Variants in SULT6B1 observed in about 807,000 individuals in gnomAD.
SULT6B1 encodes sulfotransferase 6B1.
SULT6B1 carries 44 observed loss-of-function variants against 37.2 expected under a neutral mutation model. That is an observed-to-expected ratio of 1.18 (90% CI 0.93 to 1.52). The LOEUF (loss-of-function observed/expected upper bound fraction) is 1.52. Ranked by LOEUF, SULT6B1 falls within the 40% of genes most tolerant of loss-of-function variation. The pLI, the probability that SULT6B1 is intolerant of heterozygous loss-of-function variation, is 0.00. For missense variants in SULT6B1, 450 were observed against 361.0 expected, an observed-to-expected ratio of 1.25 and a Z score of -2.00; for synonymous variants, 140 against 126.0, an observed-to-expected ratio of 1.11 and a Z score of -0.74.
chr2:37,176,506 C>T (rs189010147), intron 4 of SULT6B1, among the ~76,000 whole-genome samples: 11 of 152,112 alleles, frequency 7.2e-5, no homozygotes, highest in Admixed American at 5.9e-4. Flanking sequence ...GTGATCCGCC[C>T]GCCTCGGCCA....
At chr2:37,195,460 G>A (rs1043795246) in intron 1 of SULT6B1, among the ~76,000 whole-genome samples, 6 of 152,184 alleles carry the variant, frequency 3.9e-5, no homozygotes, top group African/African-American at 1.4e-4. Context: ...GAAAATTGGG[G>A]CAATCACAGA....
chr2:37,187,749 T>A (rs1676705241), intron 1 of SULT6B1, among the ~76,000 whole-genome samples: 1 of 152,314 alleles, frequency 6.6e-6, no homozygotes, highest in African/African-American at 2.4e-5. Flanking sequence ...TATAGGACAA[T>A]GTTATGTTAT....
At position 37,183,318 on chromosome 2, in the gene SULT6B1, T is replaced by G; in HGVS notation, c.402+107A>C. ...AAACAAAAAAACTAAATGTCACAGT[T>G]CATTTATTAAGCTTCTATGAGAAGG... On this transcript the variant is annotated intron_variant, in intron 3 of 6. Coordinates refer to ENST00000535679, the MANE Select transcript of SULT6B1 (RefSeq NM_001367551.1). The G allele has an allele frequency of 3.5e-6, 3 of 857,212 alleles. No individual in the cohort carries two copies. In the South Asian group the frequency reaches 5.6e-5, roughly 16 times the overall value. The allele number at this position is 857,212 out of a possible 1,614,324, so 53.1% of individuals were successfully genotyped here. A position where few individuals can be genotyped will look rare whatever the true frequency, so the allele number is the denominator to read the frequency against.
intron 3 of SULT6B1, among the ~76,000 whole-genome samples, chr2:37,181,738 C>A (rs1479841751): frequency 6.6e-6 from 1 of 152,118 alleles, no homozygotes. Context: ...TGTTCAAAAG[C>A]CTGCGTGCCC....
At chr2:37,173,821 T>C (rs949034773) in intron 5 of SULT6B1, among the ~76,000 whole-genome samples, 1 of 152,224 alleles carries the variant, frequency 6.6e-6, no homozygotes, top group African/African-American at 2.4e-5. Context: ...GCCTGGACTA[T>C]TGCAGTGCCC....
chr2:37,171,700 T>C, intron 5 of SULT6B1, 110 bp from the exon 6 acceptor site: 3 of 932,072 alleles, frequency 3.2e-6, no homozygotes, highest in Non-Finnish European at 4.8e-6. Context: ...CTAGTTCATC[T>C]CATCCCCCAC....
At chr2:37,182,166 T>C (rs770130825) in intron 3 of SULT6B1, among the ~76,000 whole-genome samples, 2 of 152,170 alleles carry the variant, frequency 1.3e-5, no homozygotes, top group Non-Finnish European at 2.9e-5. Flanking sequence ...GAAATTGTAG[T>C]CATCTTAACA....
chr2:37,168,166 G>C (rs1279659166), intron 6 of SULT6B1, 101 bp from the exon 7 acceptor site: 8 of 1,202,960 alleles, frequency 6.7e-6, no homozygotes, highest in Non-Finnish European at 9.0e-6. Context: ...TGTTAAAATG[G>C]ACACATGGAA....
At chr2:37,172,967 C>G (rs886836987) in intron 5 of SULT6B1, among the ~76,000 whole-genome samples, 1 of 152,120 alleles carries the variant, frequency 6.6e-6, no homozygotes, top group Non-Finnish European at 1.5e-5. Context: ...AGTCTCCTGC[C>G]TCAGCCTCCT....
At chr2:37,170,091 T>A (rs547268351) in intron 6 of SULT6B1, among the ~76,000 whole-genome samples, 4 of 152,322 alleles carry the variant, frequency 2.6e-5, no homozygotes, top group African/African-American at 9.6e-5. Flanking sequence ...AAAACCCTGA[T>A]TTTAATTGTG....
At chr2:37,179,987 T>C (rs1416488671) in intron 3 of SULT6B1, among the ~76,000 whole-genome samples, 1 of 152,190 alleles carries the variant, frequency 6.6e-6, no homozygotes, top group East Asian at 1.9e-4. Context: ...GATTAAAGAA[T>C]GGCAAAGCCC....
intron 4 of SULT6B1, among the ~76,000 whole-genome samples, chr2:37,176,252 C>A (rs564614355): frequency 6.9e-6 from 1 of 144,204 alleles, no homozygotes; most frequent in East Asian, 2.1e-4. Context: ...CATAGTAACA[C>A]GCAATAGCTT....
At chr2:37,188,681 G>A (rs1292430729), upstream of SULT6B1, 1 of 725,412 alleles carries the variant, frequency 1.4e-6, no homozygotes, top group Non-Finnish European at 2.4e-6. Context: ...GGCTGTTCAG[G>A]GGGAGTGATT....
intron 2 of SULT6B1, among the ~76,000 whole-genome samples, 175 bp downstream of exon 2, chr2:37,187,180 T>C (rs74760335): frequency 0.023 from 3,533 of 152,334 alleles, 65 homozygotes; most frequent in Middle Eastern, 0.054. Context: ...GGTAATAAGG[T>C]TATTTTGCAG....
chr2:37,192,309 C>CAGGT (rs2148303572), upstream of SULT6B1, among the ~76,000 whole-genome samples: 1 of 152,196 alleles, frequency 6.6e-6, no homozygotes, highest in East Asian at 1.9e-4. Context: ...AAGTGAGAGG[C>CAGGT]AGGTGGTGGA....
intron 5 of SULT6B1, among the ~76,000 whole-genome samples, chr2:37,171,981 A>G (rs539917127): frequency 6.0e-4 from 91 of 152,276 alleles, no homozygotes; most frequent in Non-Finnish European, 1.0e-3. Context: ...TTTTTTCTGA[A>G]TTCTATTTAT....
At chr2:37,179,665 T>C in intron 3 of SULT6B1, 81 bp from the exon 4 acceptor site, 1 of 1,197,546 alleles carries the variant, frequency 8.4e-7, no homozygotes, top group Non-Finnish European at 1.2e-6. Flanking sequence ...AATATCATCA[T>C]GTCCACTCGT....
rs115360520 is a variant in SULT6B1, at chr2:37,167,962, C to T, written c.885G>A (p.Leu295=). 1,578 of 1,598,220 alleles carry T rather than the reference C, an allele frequency of 9.9e-4. 13 individuals carry two copies. The African/African-American group carries it at 0.019, about 19-fold the overall frequency. Residue 295 remains leucine, a synonymous_variant, in exon 7 of 7, where the codon TTG becomes TTA. Coordinates refer to ENST00000535679, the MANE Select transcript of SULT6B1 (RefSeq NM_001367551.1). ...CLAGTSLGAK[L]KYESYCQG ...AACCCTGGCAATATGATTCATACTT[C>T]AACTTTGCTCCGAGGGAGGTGCCTG...
chr2:37,176,260 C>CTT (rs34578951), intron 4 of SULT6B1, among the ~76,000 whole-genome samples: 2,946 of 112,532 alleles, frequency 0.026, 196 homozygotes, highest in African/African-American at 0.053. Flanking sequence ...CACGCAATAG[C>CTT]TTTTTTTTTT....
Sources: allele counts gnomAD v4.1 joint callset (sites outside exome capture counted in the v4.1 genomes callset), GRCh38; gene constraint gnomAD v4.1.1; transcripts MANE v1.5; gene names NCBI Gene and HGNC (gene_info 2026-07-23, HGNC 2026-07-21).